UBN2: variants seen among roughly 807,000 people sequenced by gnomAD.
The protein encoded by UBN2 is ubinuclein 2, also known as ubinuclein-2.
Under a neutral mutation model 120.2 loss-of-function variants are expected in UBN2, and 35 were observed. The observed-to-expected ratio is 0.29, with a 90% confidence interval of 0.22 to 0.39. The LOEUF (loss-of-function observed/expected upper bound fraction) is 0.39. Ranked by LOEUF, UBN2 falls within the 10% of genes least tolerant of loss-of-function variation. The probability of loss-of-function intolerance (pLI) is 1.00; values close to 1 mark genes in which losing one functional copy is unlikely to be tolerated. For synonymous variants in UBN2, 661 were observed against 648.7 expected (o/e 1.02, Z -0.29); for missense variants, 1,693 against 1,663.2 (o/e 1.02, Z -0.31).
chr7:139,276,187 A>AT, intron 12 of UBN2, 40 bp downstream of exon 12: 3 of 1,584,438 alleles, frequency 1.9e-6, no homozygotes, highest in Non-Finnish European at 1.7e-6. Context: ...ATTTATTCAC[A>AT]TTATGTGCTT....
At chr7:139,270,148 T>G (rs1775182424) in intron 8 of UBN2, among the ~76,000 whole-genome samples, 1 of 152,338 alleles carries the variant, frequency 6.6e-6, no homozygotes, top group South Asian at 2.1e-4. Context: ...AACATTATAT[T>G]TAGTTTTGCA....
chr7:139,329,991 G>A, the UBN2 span, among the ~76,000 whole-genome samples: 7 of 152,112 alleles, frequency 4.6e-5, no homozygotes, highest in Non-Finnish European at 5.9e-5. Context: ...ATAGTCCTGC[G>A]TTCTCATGCT....
chr7:139,291,860 A>G (rs946671849), intron 15 of UBN2, among the ~76,000 whole-genome samples: 19 of 152,264 alleles, frequency 1.2e-4, no homozygotes, highest in African/African-American at 3.4e-4. Context: ...TCTCTAAAAA[A>G]AATAATAATA....
At chr7:139,311,268 T>A (rs1475083083), downstream of UBN2, among the ~76,000 whole-genome samples, 1 of 152,216 alleles carries the variant, frequency 6.6e-6, no homozygotes, top group East Asian at 1.9e-4. Flanking sequence ...TGGGTGTCCG[T>A]TCTTCAGAAA....
At chr7:139,259,628 T>C (rs998553356) in intron 5 of UBN2, among the ~76,000 whole-genome samples, 2 of 152,232 alleles carry the variant, frequency 1.3e-5, no homozygotes, top group Admixed American at 6.5e-5. Flanking sequence ...TGAAAAGATA[T>C]TATAAACATT....
chr7:139,245,555 T>A (rs1002491829), intron 2 of UBN2, among the ~76,000 whole-genome samples: 2 of 152,220 alleles, frequency 1.3e-5, no homozygotes, highest in African/African-American at 2.4e-5. Context: ...TGTTCCTAAA[T>A]CTCTAATTAC....
At chr7:139,329,317 T>A in the UBN2 span, among the ~76,000 whole-genome samples, 2 of 151,970 alleles carry the variant, frequency 1.3e-5, no homozygotes, top group African/African-American at 4.8e-5. Flanking sequence ...CTCTTGTGAT[T>A]CCCCCAGTCA....
chr7:139,318,954 A>G, the UBN2 span, among the ~76,000 whole-genome samples: 1 of 152,110 alleles, frequency 6.6e-6, no homozygotes, highest in African/African-American at 2.4e-5. Flanking sequence ...CTCCCACCCA[A>G]CACTGCAGTC....
At chr7:139,274,905 ATAAG>A (rs753608623) in intron 11 of UBN2, among the ~76,000 whole-genome samples, 39 of 152,288 alleles carry the variant, frequency 2.6e-4, no homozygotes, top group Admixed American at 4.6e-4. Context: ...GTCTCAAAAA[ATAAG>A]TAAATAAATA....
At chr7:139,285,177 C>T (rs1797747251) in intron 15 of UBN2, among the ~76,000 whole-genome samples, 1 of 151,856 alleles carries the variant, frequency 6.6e-6, no homozygotes, top group Admixed American at 6.6e-5. Flanking sequence ...TTAAACTTAC[C>T]TCTCAATTAG....
rs549719516 is a variant in UBN2 at position 139,242,019 on chromosome 7, A to T, written c.561+4922A>T. 1.9e-3 allele frequency among the ~76,000 whole-genome samples: 290 copies of T among 152,134 alleles called. 1 individual carries two copies. Among genetic ancestry groups the T allele is most frequent in the African/African-American group, 6.6e-3 (272 of 41,496 alleles). On this transcript the variant is annotated intron_variant, in intron 2 of 17. Coordinates refer to ENST00000473989, the MANE Select transcript of UBN2 (RefSeq NM_173569.4). ...GCTCCCCCCCCCAAAAAAAGTCTTG[A>T]TTTTCTTTTGTATAACTTGTAAAAG...
Position 139,273,938 on chromosome 7 carries a change from T to C in UBN2, c.1837T>C (p.Leu613=). 1 of 1,599,906 alleles carries C rather than the reference T, an allele frequency of 6.3e-7. No individual in the cohort carries two copies. The highest frequency in any genetic ancestry group is 1.1e-5 in the South Asian group (1 of 87,636). ...FHWDDTIRTL[L]CNLVEIKLGC... ...AATTTTCAATCTGTTTAGAACTTTG[T>C]TATGTAACCTTGTTGAGATCAAATT... is the stretch of plus-strand genomic sequence containing the variant. Residue 613 remains leucine (L), a synonymous_variant, in exon 11 of 18, where the codon TTA becomes CTA. Transcript: ENST00000473989.
intron 6 of UBN2, among the ~76,000 whole-genome samples, chr7:139,263,606 T>G (rs546350821): frequency 6.6e-6 from 1 of 152,122 alleles, no homozygotes; most frequent in East Asian, 1.9e-4. Flanking sequence ...AAACCCCATC[T>G]CTACTAAAAA....
intron 15 of UBN2, among the ~76,000 whole-genome samples, chr7:139,288,761 T>A (rs1273585231): frequency 6.6e-6 from 1 of 152,066 alleles, no homozygotes; most frequent in Non-Finnish European, 1.5e-5. Flanking sequence ...CCCAGGACTT[T>A]GGGAGGCCGA....
chr7:139,303,392 C>T lies in UBN2; in HGVS notation c.*5556C>T, dbSNP rs1035875535. 34 of 152,206 alleles carry T rather than the reference C, an allele frequency of 2.2e-4. No individual in the cohort carries two copies. Among genetic ancestry groups the T allele is most frequent in the African/African-American group, 8.2e-4 (34 of 41,448 alleles). The allele number at this position is 152,206 out of a possible 1,614,324, so 9.4% of individuals were successfully genotyped here. ...ACAAATATACCTAGTAAGTGCCCCC[C>T]TTTCAATACATTCTAATTGGGAAGA... On this transcript the variant is annotated 3_prime_UTR_variant, in exon 18 of 18. Transcript: ENST00000473989.
chr7:139,237,200 T>G, intron 2 of UBN2, 103 bp downstream of exon 2: 1 of 652,066 alleles, frequency 1.5e-6, no homozygotes, highest in Non-Finnish European at 2.6e-6. Context: ...CCTGCCTTAC[T>G]TTGTTCTCAC....
At chr7:139,271,877 A>G (rs1462724744) in intron 8 of UBN2, among the ~76,000 whole-genome samples, 1 of 152,208 alleles carries the variant, frequency 6.6e-6, no homozygotes, top group African/African-American at 2.4e-5. Flanking sequence ...CAGGATACCA[A>G]CGTCCGGTTG....
intron 10 of UBN2, among the ~76,000 whole-genome samples, chr7:139,273,626 C>G (rs1797355268): frequency 6.6e-6 from 1 of 152,146 alleles, no homozygotes; most frequent in South Asian, 2.1e-4. Flanking sequence ...ACAAACTAAT[C>G]TAATAATGGT....
At chr7:139,292,222 C>T (rs1362531373) in intron 15 of UBN2, among the ~76,000 whole-genome samples, 2 of 152,124 alleles carry the variant, frequency 1.3e-5, no homozygotes, top group African/African-American at 4.8e-5. Context: ...CACCACTGCA[C>T]TCCAGCGTGG....
Sources: gnomAD v4.1 joint callset for allele counts (sites outside exome capture counted in the v4.1 genomes callset) on GRCh38, gnomAD v4.1.1 for gene constraint, MANE v1.5 for transcripts, NCBI Gene and HGNC (gene_info 2026-07-23, HGNC 2026-07-21) for gene names.